Variants in TSHR observed in about 807,000 individuals in gnomAD.
TSHR encodes the protein thyroid stimulating hormone receptor, also known as thyrotropin receptor.
Under a neutral mutation model 64.1 loss-of-function variants are expected in TSHR, and 51 were observed. The observed-to-expected ratio is 0.80, with a 90% CI of 0.64 to 1.01. TSHR has a LOEUF of 1.01. Ranked by LOEUF, TSHR falls within the 50% of genes least tolerant of loss-of-function variation. TSHR has a pLI of 0.00. For synonymous variants in TSHR, 361 were observed against 361.9 expected, an observed-to-expected ratio of 1.00 and a Z score of 0.03; for missense variants, 877 against 942.8, an observed-to-expected ratio of 0.93 and a Z score of 0.91.
intron 2 of TSHR, among the ~76,000 whole-genome samples, chr14:81,067,483 TTATATATATATATA>T (rs71103896): frequency 7.4e-6 from 1 of 134,976 alleles, no homozygotes; most frequent in Non-Finnish European, 1.6e-5. Flanking sequence ...GTTTATAGTT[TTATATATATATATA>T]TATATATAGT....
intron 1 of TSHR, among the ~76,000 whole-genome samples, chr14:80,962,107 C>T (rs573725786): frequency 6.6e-6 from 1 of 152,252 alleles, no homozygotes; most frequent in African/African-American, 2.4e-5. Flanking sequence ...GCCTCAGTTT[C>T]TCCATCTATA....
At chr14:81,054,925 T>C (rs1421307034) in intron 1 of TSHR, among the ~76,000 whole-genome samples, 2 of 151,896 alleles carry the variant, frequency 1.3e-5, no homozygotes, top group Non-Finnish European at 2.9e-5. Flanking sequence ...CTGCAGAAAA[T>C]TGCATAAGTA....
chr14:81,134,860 G>A (rs76711242), intron 8 of TSHR, among the ~76,000 whole-genome samples: 1 of 152,136 alleles, frequency 6.6e-6, no homozygotes, highest in African/African-American at 2.4e-5. Flanking sequence ...TCTTCCCCCA[G>A]TGCCCATTAT....
intron 5 of TSHR, among the ~76,000 whole-genome samples, chr14:81,092,085 C>T (rs899155618): frequency 6.6e-6 from 1 of 152,192 alleles, no homozygotes; most frequent in Non-Finnish European, 1.5e-5. Flanking sequence ...GAAAGGTTCT[C>T]CAGGAGCCTG....
chr14:80,982,707 G>A (rs1262040912), intron 1 of TSHR: 2 of 888,922 alleles, frequency 2.2e-6, no homozygotes, highest in South Asian at 2.8e-5. Flanking sequence ...AGGCATCTAA[G>A]GCAAGCCCTC....
At chr14:80,997,740 T>C (rs79746054) in intron 1 of TSHR, among the ~76,000 whole-genome samples, 2,773 of 152,322 alleles carry the variant, frequency 0.018, 42 homozygotes, top group Non-Finnish European at 0.031. Context: ...TATAGTTCTA[T>C]TGTAAGATTA....
intron 3 of TSHR, among the ~76,000 whole-genome samples, chr14:81,077,851 A>AT (rs1887612453): frequency 6.6e-6 from 1 of 151,704 alleles, no homozygotes; most frequent in African/African-American, 2.4e-5. Flanking sequence ...TCCTTTGCAA[A>AT]TTTTTTGTGA....
At chr14:80,967,141 C>A in intron 1 of TSHR, among the ~76,000 whole-genome samples, 1 of 147,858 alleles carries the variant, frequency 6.8e-6, no homozygotes, top group African/African-American at 2.5e-5. Context: ...GGAATCCAGG[C>A]TAATATCTGG....
chr14:81,031,086 C>T (rs1027953549), intron 1 of TSHR, among the ~76,000 whole-genome samples: 1 of 152,098 alleles, frequency 6.6e-6, no homozygotes, highest in African/African-American at 2.4e-5. Context: ...GGTTTCCTTC[C>T]ACAGATTTGA....
chr14:81,011,214 T>C (rs952092728), intron 1 of TSHR, among the ~76,000 whole-genome samples: 1 of 97,064 alleles, frequency 1.0e-5, no homozygotes, highest in Admixed American at 1.2e-4. Flanking sequence ...TTCCTTTCTT[T>C]TCTTCTTTCT....
At chr14:81,060,004 T>C (rs2139888502) in intron 1 of TSHR, among the ~76,000 whole-genome samples, 1 of 152,276 alleles carries the variant, frequency 6.6e-6, no homozygotes, top group African/African-American at 2.4e-5. Flanking sequence ...GACTATCCAA[T>C]TGCACTTAGA....
chr14:81,115,127 C>G (rs1185861302), intron 8 of TSHR, among the ~76,000 whole-genome samples: 3 of 151,972 alleles, frequency 2.0e-5, no homozygotes, highest in African/African-American at 7.3e-5. Context: ...GAGTGCCTCT[C>G]CTCCTCCAAA....
At position 81,064,947 on chromosome 14, in the gene TSHR, G is replaced by A. The variant is rs112979047; in HGVS notation, c.242+2728G>A. 2.7e-3 allele frequency among the ~76,000 whole-genome samples: 407 copies of A among 152,238 alleles called. 7 individuals carry two copies. In the Middle Eastern group the frequency reaches 0.027, roughly 10 times the overall value. ...AGATGGTCACTTTTTACATCATAACGAGGAAGTCATGTTGTAGGACTTTCT... is the reference window on the plus strand; with the variant it reads ...AGATGGTCACTTTTTACATCATAACAAGGAAGTCATGTTGTAGGACTTTCT... On this transcript the variant is annotated intron_variant, in intron 2 of 9. Coordinates refer to ENST00000298171, the MANE Select transcript of TSHR (RefSeq NM_000369.5).
intron 8 of TSHR, among the ~76,000 whole-genome samples, chr14:81,113,027 T>C (rs911790419): frequency 6.6e-6 from 1 of 152,204 alleles, no homozygotes; most frequent in Non-Finnish European, 1.5e-5. Context: ...TAGGAGCATT[T>C]TGAGCATAGG....
chr14:81,057,398 T>G (rs28675993), intron 1 of TSHR, among the ~76,000 whole-genome samples: 35,577 of 151,690 alleles, frequency 0.23, 4,223 homozygotes, highest in South Asian at 0.29. Flanking sequence ...GTGACAAGAG[T>G]GAAACTCCAT....
chr14:80,967,008 A>G (rs1050168354), intron 1 of TSHR, among the ~76,000 whole-genome samples: 17 of 152,136 alleles, frequency 1.1e-4, no homozygotes, highest in Non-Finnish European at 2.2e-4. Context: ...ATCTTCTAAT[A>G]CTATCACATC....
intron 7 of TSHR, chr14:81,105,312 T>C (rs988704697): frequency 5.8e-6 from 5 of 868,704 alleles, no homozygotes; most frequent in Non-Finnish European, 6.9e-6. Flanking sequence ...TGTATATGTA[T>C]TTCCCCTCCC....
chr14:81,007,486 G>A (rs1889663304), intron 1 of TSHR, among the ~76,000 whole-genome samples: 1 of 152,082 alleles, frequency 6.6e-6, no homozygotes, highest in African/African-American at 2.4e-5. Context: ...TAATAGACTG[G>A]GGTTATGAGT....
At chr14:81,080,710 C>T (rs1403863896) in intron 3 of TSHR, among the ~76,000 whole-genome samples, 1 of 152,086 alleles carries the variant, frequency 6.6e-6, no homozygotes, top group African/African-American at 2.4e-5. Flanking sequence ...AGAATTAAGA[C>T]TTCTCTCATT....
Sources: gnomAD v4.1 joint callset for allele counts (sites outside exome capture counted in the v4.1 genomes callset) on GRCh38, gnomAD v4.1.1 for gene constraint, MANE v1.5 for transcripts, NCBI Gene and HGNC (gene_info 2026-07-23, HGNC 2026-07-21) for gene names.